The following DCLK1 variants were observed in gnomAD, a reference collection of about 807,000 sequenced individuals.
DCLK1 encodes doublecortin like kinase 1, also known as serine/threonine-protein kinase DCLK1.
DCLK1 carries 16 observed loss-of-function variants against 86.2 expected under a neutral mutation model. The ratio of observed to expected loss-of-function variants is 0.19; its 90% CI spans 0.13 to 0.28. The LOEUF (loss-of-function observed/expected upper bound fraction) is 0.28, where lower values mean the gene tolerates loss of function less well. DCLK1 is among the 10% of genes least tolerant of loss of function. DCLK1 has a pLI of 1.00. For synonymous variants in DCLK1, 369 were observed against 370.5 expected (o/e 1.00, Z 0.05); for missense variants, 590 against 940.2 (o/e 0.63, Z 4.87).
At chr13:36,069,229 T>A (rs1164056660) in intron 3 of DCLK1, among the ~76,000 whole-genome samples, 1 of 150,396 alleles carries the variant, frequency 6.6e-6, no homozygotes, top group Non-Finnish European at 1.5e-5. Flanking sequence ...TATTCTGAAC[T>A]CTATTAAACT....
intron 4 of DCLK1, among the ~76,000 whole-genome samples, chr13:35,872,146 A>C (rs901897883): frequency 6.6e-6 from 1 of 152,100 alleles, no homozygotes; most frequent in Non-Finnish European, 1.5e-5. Flanking sequence ...GTTCTTAAGA[A>C]ACTGCTTCTA....
intron 3 of DCLK1, among the ~76,000 whole-genome samples, chr13:36,027,569 A>G: frequency 6.6e-6 from 1 of 152,232 alleles, no homozygotes; most frequent in East Asian, 1.9e-4. Context: ...TTTGGAATGA[A>G]CATGTCAACA....
chr13:35,918,996 A>T (rs73511255), intron 4 of DCLK1, among the ~76,000 whole-genome samples: 2,328 of 144,286 alleles, frequency 0.016, 61 homozygotes, highest in African/African-American at 0.057. Flanking sequence ...TCTGCTTCCC[A>T]GTTCAAGCAA....
chr13:35,853,489 G>A (rs370985649), intron 6 of DCLK1, among the ~76,000 whole-genome samples: 11 of 152,252 alleles, frequency 7.2e-5, no homozygotes, highest in South Asian at 4.2e-4. Context: ...GAATCTCCCC[G>A]CCCCGCACTC....
At chr13:35,983,222 C>T (rs1428213833) in intron 3 of DCLK1, among the ~76,000 whole-genome samples, 3 of 151,956 alleles carry the variant, frequency 2.0e-5, no homozygotes, top group Non-Finnish European at 4.4e-5. Context: ...AATCCCTGGC[C>T]TCAAGTGATC....
At chr13:35,997,473 T>G (rs1880524016) in intron 3 of DCLK1, among the ~76,000 whole-genome samples, 2 of 152,246 alleles carry the variant, frequency 1.3e-5, no homozygotes, top group South Asian at 4.1e-4. Context: ...GGCTCTAATT[T>G]CACAGGTTAA....
intron 3 of DCLK1, among the ~76,000 whole-genome samples, chr13:36,091,785 C>T (rs1032073723): frequency 6.6e-6 from 1 of 152,182 alleles, no homozygotes; most frequent in African/African-American, 2.4e-5. Context: ...TGGGTCCTCC[C>T]TCCCACTCCC....
intron 5 of DCLK1, among the ~76,000 whole-genome samples, chr13:35,861,950 T>A (rs1044930031): frequency 7.1e-6 from 1 of 140,180 alleles, no homozygotes; most frequent in African/African-American, 2.6e-5. Flanking sequence ...GAGAATGGCA[T>A]GAACCCAGGA....
At chr13:35,870,684 T>A (rs967454709) in intron 5 of DCLK1, among the ~76,000 whole-genome samples, 13 of 152,172 alleles carry the variant, frequency 8.5e-5, no homozygotes, top group African/African-American at 2.7e-4. Context: ...GAGGTGCTCA[T>A]CTTGTGCATA....
chr13:35,832,709 C>G (rs1869054896), intron 8 of DCLK1, among the ~76,000 whole-genome samples: 1 of 152,194 alleles, frequency 6.6e-6, no homozygotes, highest in South Asian at 2.1e-4. Context: ...CAATCTCAGC[C>G]TCCTCCATAA....
intron 4 of DCLK1, among the ~76,000 whole-genome samples, chr13:35,893,812 TTACTGTTAAG>T (rs1347576591): frequency 6.6e-6 from 1 of 152,216 alleles, no homozygotes; most frequent in Non-Finnish European, 1.5e-5. Context: ...ATCATATTTT[TTACTGTTAAG>T]TACTTATGTG....
chr13:35,782,981 T>C (rs935280398), intron 16 of DCLK1, among the ~76,000 whole-genome samples: 2 of 152,278 alleles, frequency 1.3e-5, no homozygotes, highest in Non-Finnish European at 2.9e-5. Flanking sequence ...TGTGACTGTG[T>C]TCCAATAAAA....
chr13:35,869,650 G>C (rs931492071), intron 5 of DCLK1, among the ~76,000 whole-genome samples: 2 of 152,196 alleles, frequency 1.3e-5, no homozygotes, highest in Non-Finnish European at 2.9e-5. Context: ...AAAACCCCCT[G>C]CTTCTCAAAG....
chr13:35,838,487 G>A (rs989117897), intron 7 of DCLK1, among the ~76,000 whole-genome samples: 1 of 152,192 alleles, frequency 6.6e-6, no homozygotes, highest in Admixed American at 6.5e-5. Context: ...CATAGGAGAG[G>A]AAGTAAGACG....
chr13:36,072,424 GAC>G (rs982515626), intron 3 of DCLK1, among the ~76,000 whole-genome samples: 1 of 152,136 alleles, frequency 6.6e-6, no homozygotes, highest in Non-Finnish European at 1.5e-5. Flanking sequence ...CTTCTCTAAT[GAC>G]ACGTATTTCC....
chr13:35,941,968 C>T (rs1220465471), intron 4 of DCLK1, among the ~76,000 whole-genome samples: 1 of 152,098 alleles, frequency 6.6e-6, no homozygotes, highest in Non-Finnish European at 1.5e-5. Context: ...CCTAAGTAAG[C>T]TTGCAAGGCT....
intron 3 of DCLK1, among the ~76,000 whole-genome samples, chr13:36,099,024 A>G (rs952287903): frequency 6.6e-6 from 1 of 151,386 alleles, no homozygotes; most frequent in Admixed American, 6.6e-5. Flanking sequence ...CTGGAGTGCA[A>G]TGGCGCGATC....
intron 4 of DCLK1, among the ~76,000 whole-genome samples, chr13:35,888,589 C>A (rs960538147): frequency 5.9e-5 from 9 of 152,146 alleles, no homozygotes; most frequent in Non-Finnish European, 1.3e-4. Flanking sequence ...ACGAAGGCAG[C>A]CATCTAATAT....
At chr13:36,126,231 GT>G (rs577885528) in intron 1 of DCLK1, 75 bp from the exon 2 acceptor site, 30 of 1,233,252 alleles carry the variant, frequency 2.4e-5, no homozygotes, top group Admixed American at 3.2e-5. Context: ...TTTTGTTTTT[GT>G]TTTTTTTATG....
Sources: allele counts gnomAD v4.1 joint callset (sites outside exome capture counted in the v4.1 genomes callset), GRCh38; gene constraint gnomAD v4.1.1; transcripts MANE v1.5; gene names NCBI Gene and HGNC (gene_info 2026-07-23, HGNC 2026-07-21).